BOD1L1: variants seen among roughly 807,000 people sequenced by gnomAD.
BOD1L1 encodes biorientation of chromosomes in cell division 1 like 1, also known as biorientation of chromosomes in cell division protein 1-like 1.
BOD1L1 carries 86 observed loss-of-function variants against 240.7 expected under a neutral mutation model. The ratio of observed to expected loss-of-function variants is 0.36; its 90% CI spans 0.30 to 0.43. The LOEUF (loss-of-function observed/expected upper bound fraction) is 0.43. Ranked by LOEUF, BOD1L1 falls within the 20% of genes least tolerant of loss-of-function variation. The probability of loss-of-function intolerance (pLI) is 1.00; values close to 1 mark genes in which losing one functional copy is unlikely to be tolerated. For missense variants in BOD1L1, 3,554 were observed against 3,643.5 expected, an observed-to-expected ratio of 0.98 and a Z score of 0.63; for synonymous variants, 1,268 against 1,272.3, an observed-to-expected ratio of 1.00 and a Z score of 0.07.
rs550190562 is a variant in BOD1L1 at position 13,583,560 on chromosome 4, A to G, written c.8434-824T>C. On this transcript the variant is annotated intron_variant, in intron 17 of 25. Coordinates refer to ENST00000040738, the MANE Select transcript of BOD1L1 (RefSeq NM_148894.3). The stretch of plus-strand genomic sequence containing the variant: ...AGGGGATGGATATAAAAGCAATTCC[A>G]CATTTCACACAGTCTACTGAAACAG... Among the ~76,000 whole-genome samples, 3 of 152,332 alleles carry G rather than the reference A, an allele frequency of 2.0e-5. No individual in the cohort carries two copies. In the South Asian group the frequency reaches 6.2e-4, roughly 32 times the overall value.
At chr4:13,615,281 A>G (rs1716497909) in intron 3 of BOD1L1, 31 bp downstream of exon 3, 3 of 1,536,052 alleles carry the variant, frequency 2.0e-6, no homozygotes, top group Non-Finnish European at 2.6e-6. Context: ...AAGAAAAACA[A>G]TGGAACTGAC....
At chr4:13,621,528 T>C (rs187126864) in intron 1 of BOD1L1, among the ~76,000 whole-genome samples, 65 of 152,358 alleles carry the variant, frequency 4.3e-4, no homozygotes, top group Non-Finnish European at 8.4e-4. Flanking sequence ...CCTACTGTTT[T>C]CTATACATGC....
At chr4:13,593,080 C>T (rs965034877) in intron 12 of BOD1L1, 1 of 152,120 alleles carries the variant, frequency 6.6e-6, no homozygotes, top group African/African-American at 2.4e-5. Flanking sequence ...GAAAGGCTCA[C>T]TGGAAGTTTG....
intron 2 of BOD1L1, 114 bp downstream of exon 2, chr4:13,619,829 C>T (rs1716908646): frequency 1.5e-6 from 2 of 1,307,718 alleles, no homozygotes; most frequent in Admixed American, 2.7e-5. Context: ...ACACCAAATC[C>T]AGTAAAATTG....
rs768942173 is a variant in BOD1L1, at chr4:13,577,403, C to T, written c.8884G>A (p.Glu2962Lys). Residue 2962 changes from glutamate (E) to lysine (K), a missense_variant and splice_region_variant, in exon 24 of 26, where the codon GAA (glutamate) becomes AAA (lysine). By Grantham distance (56) the Glu-to-Lys change is moderately conservative. Coordinates refer to ENST00000040738, the MANE Select transcript of BOD1L1 (RefSeq NM_148894.3). ...TATTAAGAATTTGCTAGAAACATAC[C>T]AGCATCATCTGATACAGTGAGAGAA... ...KRSLTVSDDA[E>K]SSEPERKRQK... is the part of the protein sequence containing the mutation. 6.8e-6 allele frequency: 11 copies of T among 1,611,810 alleles called. No individual in the cohort carries two copies. In the South Asian group the frequency reaches 1.1e-4, roughly 16 times the overall value.
chr4:13,590,901 T>C (rs1714150887), intron 13 of BOD1L1, among the ~76,000 whole-genome samples: 1 of 152,120 alleles, frequency 6.6e-6, no homozygotes. Flanking sequence ...TCCTAAGTCC[T>C]AGCTACAGAC....
At chr4:13,575,556 T>A (rs1343162117) in intron 25 of BOD1L1, among the ~76,000 whole-genome samples, 3 of 151,542 alleles carry the variant, frequency 2.0e-5, no homozygotes, top group Non-Finnish European at 4.4e-5. Flanking sequence ...AATTTTCTAA[T>A]TTTTTTGTAG....
chr4:13,577,760 T>C, intron 22 of BOD1L1, 129 bp from the exon 23 acceptor site: 1 of 679,934 alleles, frequency 1.5e-6, no homozygotes, highest in South Asian at 2.0e-5. Flanking sequence ...TTATCTTGTA[T>C]CAGTCAAGCA....
chr4:13,584,374 GAC>G (rs1341147661), intron 17 of BOD1L1, among the ~76,000 whole-genome samples: 2 of 151,530 alleles, frequency 1.3e-5, no homozygotes, highest in Non-Finnish European at 2.9e-5. Flanking sequence ...GAGAGAGAGA[GAC>G]AGAGTGTGTG....
rs370897772 is a variant in BOD1L1 at position 13,600,390 on chromosome 4, C to T, written c.6510G>A (p.Pro2170=). The T allele has an allele frequency of 7.9e-5, 127 of 1,613,786 alleles. No homozygotes were observed. Among genetic ancestry groups the T allele is most frequent in the South Asian group, 1.9e-4 (17 of 91,078 alleles). Residue 2170 remains proline, a synonymous_variant, in exon 10 of 26, where the codon CCG becomes CCA. Coordinates refer to ENST00000040738, the MANE Select transcript of BOD1L1 (RefSeq NM_148894.3). ...TTIKCAESLQ[P]VAAAVEERAT... ...CCCTTTCTTCCACTGCTGCAGCAAC[C>T]GGCTGAAGACTTTCAGCACACTTGA...
At position 13,581,576 on chromosome 4, in the gene BOD1L1, ATATATC is replaced by A. The variant is rs1306632222; in HGVS notation, c.8593-375_8593-370del. On this transcript the variant is annotated intron_variant, in intron 19 of 25. Coordinates refer to ENST00000040738, the MANE Select transcript of BOD1L1 (RefSeq NM_148894.3). ...TATAAAAAATAAAGGGGTCCACTGA[ATATATC>A]ATACAGACAGAACAATAACAAATGA... Among the ~76,000 whole-genome samples the A allele has an allele frequency of 1.7e-4, 26 of 149,428 alleles. 1 individual carries two copies. The highest frequency in any genetic ancestry group is 1.4e-4 in the Admixed American group (2 of 14,790).
intron 22 of BOD1L1, chr4:13,578,105 C>T (rs936551081): frequency 7.7e-5 from 12 of 155,050 alleles, no homozygotes; most frequent in Non-Finnish European, 1.7e-4. Flanking sequence ...GGGGTTTCAC[C>T]ATGTTGGCCA....
chr4:13,573,470 A>ATCTT lies in BOD1L1; in HGVS notation c.9039-3346_9039-3343dup, dbSNP rs139972436. Among the ~76,000 whole-genome samples the ATCTT allele has an allele frequency of 7.7e-3, 939 of 122,708 alleles. 4 individuals are homozygous for ATCTT. Among genetic ancestry groups the ATCTT allele is most frequent in the South Asian group, 0.026 (87 of 3,332 alleles). The allele number at this position is 122,708 out of a possible 152,430, so 80.5% of individuals were successfully genotyped here. On this transcript the variant is annotated intron_variant, in intron 25 of 25. Coordinates refer to ENST00000040738, the MANE Select transcript of BOD1L1 (RefSeq NM_148894.3). ...TATCTATCTATCTATCTATCTATCT[A>ATCTT]TCTTTCTTTCTTTCTTTCTTTCTTT...
rs1712339266 is a variant in BOD1L1, at chr4:13,572,960, GA to G, written c.9039-2833del. Reference sequence around the variant, plus strand: ...GTCAGAACAATAGGAACTAAAATCAGAAAAATGGTTGGTTTTCCTGACCACT... The same window carrying G: ...GTCAGAACAATAGGAACTAAAATCAGAAAATGGTTGGTTTTCCTGACCACT... On this transcript the variant is annotated intron_variant, in intron 25 of 25. Transcript: ENST00000040738. 6.7e-6 allele frequency: 6 copies of G among 897,814 alleles called. No individual in the cohort carries two copies. In the South Asian group the frequency reaches 1.1e-4, roughly 16 times the overall value. The allele number at this position is 897,814 out of a possible 1,614,324, so 55.6% of individuals were successfully genotyped here. A position where few individuals can be genotyped will look rare whatever the true frequency, so the allele number is the denominator to read the frequency against.
At chr4:13,626,569 T>C (rs540308265) in intron 1 of BOD1L1, among the ~76,000 whole-genome samples, 2 of 152,298 alleles carry the variant, frequency 1.3e-5, no homozygotes, top group South Asian at 2.1e-4. Context: ...CTAATGTCCC[T>C]TTCACTCTGA....
Position 13,599,524 on chromosome 4 carries a change from G to A in BOD1L1, c.7376C>T (p.Ala2459Val). Residue 2459 changes from alanine to valine, a missense_variant, in exon 10 of 26, where the codon GCA (alanine) becomes GTA (valine). This residue lies in a region of BOD1L1 where 3,393 missense variants were observed against 3,427.1 expected (regional missense o/e 0.99). Coordinates refer to ENST00000040738, the MANE Select transcript of BOD1L1 (RefSeq NM_148894.3). Reference sequence around the variant, plus strand: ...GTTCAACAATACATTCTTCTCTTCTGCATTTATGAGGTGTAAAGTGCTCTC... The same window carrying A: ...GTTCAACAATACATTCTTCTCTTCTACATTTATGAGGTGTAAAGTGCTCTC... ...QKESTLHLIN[A>V]EEKNVLLNSL... The A allele has an allele frequency of 4.3e-6, 7 of 1,614,004 alleles. No homozygotes were observed. Among genetic ancestry groups the A allele is most frequent in the South Asian group, 1.1e-5 (1 of 91,082 alleles).
rs530746781 is a variant in BOD1L1 at position 13,627,251 on chromosome 4, C to G, written c.243+94G>C. 39 of 595,178 alleles carry G rather than the reference C, an allele frequency of 6.6e-5. No individual in the cohort carries two copies. The South Asian group carries it at 2.9e-3, about 45-fold the overall frequency. 36.9% of individuals were successfully genotyped at this position (595,178 alleles called of 1,614,324 possible). ...TGTGCTTTGCACAGTCCGTGGCACACAGCTGCAGCTCCAAGAGGAAGCCAC... is the reference window on the plus strand; with the variant it reads ...TGTGCTTTGCACAGTCCGTGGCACAGAGCTGCAGCTCCAAGAGGAAGCCAC... On this transcript the variant is annotated intron_variant, in intron 1 of 25. Transcript: ENST00000040738.
chr4:13,604,339 G>A lies in BOD1L1; in HGVS notation c.2561C>T (p.Ser854Phe), dbSNP rs1012513302. Residue 854 changes from serine (S) to phenylalanine (F), a missense_variant, in exon 10 of 26, where the codon TCT becomes TTT. Transcript: ENST00000040738. The part of the protein sequence containing the change: ...RSSDSKIQKD[S>F]LGSKQHGITL... ...GATACCATGTTGCTTGGAACCCAGAGAATCTTTCTGAATTTTAGAATCACT... is the reference window on the plus strand; with the variant it reads ...GATACCATGTTGCTTGGAACCCAGAAAATCTTTCTGAATTTTAGAATCACT... 2 of 1,581,024 alleles carry A rather than the reference G, an allele frequency of 1.3e-6. No individual in the cohort carries two copies. The highest frequency in any genetic ancestry group is 1.7e-6 in the Non-Finnish European group (2 of 1,169,878).
At position 13,602,489 on chromosome 4, in the gene BOD1L1, T is replaced by C. The variant is rs533166338; in HGVS notation, c.4411A>G (p.Ile1471Val). ...TTTTCATTCCTTCTTTCAACATCAATTGATATGTCTTTTACTTTACCTGGG... is the reference window on the plus strand; with the variant it reads ...TTTTCATTCCTTCTTTCAACATCAACTGATATGTCTTTTACTTTACCTGGG... ...RSPGKVKDIS[I>V]DVERRNENSE... The change falls in exon 10 of 26, where the codon ATT (isoleucine) becomes GTT (valine). Residue 1471 changes from isoleucine (I) to valine (V), a missense_variant. Ile to Val is a conservative substitution (Grantham distance 29). Coordinates refer to ENST00000040738, the MANE Select transcript of BOD1L1 (RefSeq NM_148894.3). 167 of 1,613,970 alleles carry C rather than the reference T, an allele frequency of 1.0e-4. 1 individual carries two copies. In the South Asian group the frequency reaches 1.6e-3, roughly 16 times the overall value.
Sources: gnomAD v4.1 joint callset for allele counts (sites outside exome capture counted in the v4.1 genomes callset) on GRCh38, gnomAD v4.1.1 for gene constraint, gnomAD v4.1.1 regional missense constraint, MANE v1.5 for transcripts, NCBI Gene and HGNC (gene_info 2026-07-23, HGNC 2026-07-21) for gene names.